SLC16A5: variants seen among roughly 807,000 people sequenced by gnomAD.
SLC16A5 encodes monocarboxylate transporter 6.
In SLC16A5, 29 loss-of-function variants were observed where a neutral mutation model predicts 33.2. That is an observed-to-expected ratio of 0.87 (90% CI 0.65 to 1.19). SLC16A5 has a LOEUF of 1.19. Ranked by LOEUF, SLC16A5 falls within the 50% of genes most tolerant of loss-of-function variation. SLC16A5 has a pLI of 0.00. For synonymous variants in SLC16A5, 248 were observed against 284.1 expected (o/e 0.87, Z 1.28); for missense variants, 606 against 678.2 (o/e 0.89, Z 1.18).
chr17:75,093,874 G>T (rs775382975), intron 3 of SLC16A5, 39 bp downstream of exon 3: 1 of 1,588,194 alleles, frequency 6.3e-7, no homozygotes, highest in South Asian at 1.1e-5. Flanking sequence ...AAAGTCCTAG[G>T]GGTTGCGGGG....
At position 75,105,894 on chromosome 17, in the gene SLC16A5, G is replaced by A. The variant is rs201411506; in HGVS notation, c.1379G>A (p.Arg460His). Residue 460 changes from arginine (R) to histidine (H), a missense_variant, in exon 7 of 7, where the codon CGC becomes CAC. Physicochemically the swap from Arg to His is conservative, Grantham distance 29. Transcript: ENST00000329783. ...RSPEIMCQSS[R>H]QPRPAGVNKH... is the part of the protein sequence containing the mutation. ...TTCATGAACAGGTGCCAGTCTTCCC[G>A]CCAGCCACGTCCAGCTGGCGTCAAT... 94 of 1,603,688 alleles carry A rather than the reference G, an allele frequency of 5.9e-5. 1 individual carries two copies. Among genetic ancestry groups the A allele is most frequent in the Admixed American group, 2.7e-4 (16 of 59,074 alleles).
Position 75,093,352 on chromosome 17 carries a change from C to G in SLC16A5, c.-48-237C>G. ...CCCCGTCCTGTCCCTCCTATCCCTC[C>G]TGTCCCTCCTGTCCTTCCTGCCACC... On this transcript the variant is annotated intron_variant, in intron 2 of 6. Transcript: ENST00000329783. 2.0e-6 allele frequency: 3 copies of G among 1,501,634 alleles called. No homozygotes were observed. In the Admixed American group the frequency reaches 5.9e-5, roughly 30 times the overall value. The allele number at this position is 1,501,634 out of a possible 1,614,324, so 93.0% of individuals were successfully genotyped here.
chr17:75,094,004 G>C (rs191316991), intron 3 of SLC16A5, among the ~76,000 whole-genome samples, 169 bp downstream of exon 3: 1 of 152,346 alleles, frequency 6.6e-6, no homozygotes, highest in East Asian at 1.9e-4. Flanking sequence ...AATCCAGCTG[G>C]ACTGGGCTGG....
chr17:75,104,451 C>G (rs910287181), intron 6 of SLC16A5: 75 of 1,191,260 alleles, frequency 6.3e-5, no homozygotes, highest in Non-Finnish European at 7.8e-5. Context: ...CGGAGTTTCA[C>G]TCTTGTTGCC....
At chr17:75,096,178 T>A (rs1243190178) in intron 3 of SLC16A5, among the ~76,000 whole-genome samples, 1 of 151,804 alleles carries the variant, frequency 6.6e-6, no homozygotes, top group Non-Finnish European at 1.5e-5. Flanking sequence ...CCCCTGCCCC[T>A]ACCTACGCCT....
chr17:75,093,300 C>T, intron 2 of SLC16A5: 1 of 926,480 alleles, frequency 1.1e-6, no homozygotes, highest in South Asian at 1.5e-5. Context: ...GACAATTGTA[C>T]CCCATTGCCT....
chr17:75,094,144 G>A (rs2073684065), intron 3 of SLC16A5, among the ~76,000 whole-genome samples: 1 of 152,218 alleles, frequency 6.6e-6, no homozygotes, highest in Non-Finnish European at 1.5e-5. Context: ...GAAGAGCGCT[G>A]GGGCCAGCCC....
At chr17:75,105,021 C>G in intron 6 of SLC16A5, 2 of 985,482 alleles carry the variant, frequency 2.0e-6, no homozygotes, top group African/African-American at 3.5e-5. Flanking sequence ...TAGGTTCCTC[C>G]TGCCCTGCTC....
intron 2 of SLC16A5, 21 bp from the exon 3 acceptor site, chr17:75,093,568 T>A (rs1299630163): frequency 6.4e-7 from 1 of 1,556,220 alleles, no homozygotes; most frequent in Non-Finnish European, 8.6e-7. Context: ...ACCACCAGGC[T>A]CCATTCTGTC....
chr17:75,104,415 C>CTTTT (rs577017676), intron 6 of SLC16A5: 105 of 1,004,074 alleles, frequency 1.0e-4, no homozygotes, highest in South Asian at 5.2e-4. Context: ...CTGAGAAACT[C>CTTTT]TTTTTTTTTT....
chr17:75,091,128 A>C (rs1175684323), intron 2 of SLC16A5, among the ~76,000 whole-genome samples: 3 of 152,144 alleles, frequency 2.0e-5, no homozygotes, highest in African/African-American at 7.2e-5. Context: ...GGCAGGGAAC[A>C]GGCAAAGGCA....
chr17:75,091,169 G>A (rs1056391244), intron 2 of SLC16A5, among the ~76,000 whole-genome samples: 2 of 152,158 alleles, frequency 1.3e-5, no homozygotes, highest in Non-Finnish European at 2.9e-5. Context: ...TGGCCTTTCC[G>A]GGAGGAAGAG....
chr17:75,100,324 C>T lies in SLC16A5; in HGVS notation c.661C>T (p.Arg221Trp), dbSNP rs367743246. ...PALGCLAACG[R>W]TIQRHLAFDI... ...ACTTGGCTGCCTGGCTGCATGCGGC[C>T]GGACCATCCAGCGCCACCTGGCCTT... The change falls in exon 5 of 7, where the codon CGG becomes TGG. Residue 221 changes from arginine to tryptophan, a missense_variant. By Grantham distance (101) the Arg-to-Trp change is moderately radical. Transcript: ENST00000329783. 14 of 1,614,106 alleles carry T rather than the reference C, an allele frequency of 8.7e-6. No individual in the cohort carries two copies. Among genetic ancestry groups the T allele is most frequent in the Middle Eastern group, 1.6e-4 (1 of 6,084 alleles).
intron 6 of SLC16A5, chr17:75,104,987 C>T (rs1204701997): frequency 1.8e-5 from 18 of 985,334 alleles, no homozygotes; most frequent in African/African-American, 1.7e-4. Context: ...GCCTCCATAC[C>T]GTTCTGAAGA....
In SLC16A5 at chr17:75,100,252, G is replaced by T; in HGVS notation, c.589G>T (p.Ala197Ser). The change falls in exon 5 of 7, where the codon GCC (alanine) becomes TCC (serine). Residue 197 changes from alanine (A) to serine (S), a missense_variant. By Grantham distance (99) the Ala-to-Ser change is moderately conservative. Transcript: ENST00000329783. ...AIIRPVATSV[A>S]PETKECPPPP... is the part of the protein sequence containing the mutation. ...CATAAGGCCTGTGGCCACCAGTGTG[G>T]CCCCTGAGACCAAAGAATGTCCCCC... is the stretch of plus-strand genomic sequence containing the variant. The T allele has an allele frequency of 6.2e-7, 1 of 1,614,210 alleles. No individual in the cohort carries two copies. Among genetic ancestry groups the T allele is most frequent in the Non-Finnish European group, 8.5e-7 (1 of 1,180,030 alleles).
intron 2 of SLC16A5, among the ~76,000 whole-genome samples, chr17:75,091,702 A>G (rs1018598361): frequency 1.3e-5 from 2 of 152,214 alleles, no homozygotes; most frequent in Admixed American, 1.3e-4. Flanking sequence ...GAGTTTCCCC[A>G]GAGCTTCCCA....
In SLC16A5 at chr17:75,106,142, A is replaced by G; in HGVS notation, c.*109A>G. ...TACTTTGTTAGAGCAAAATAATAAA[A>G]TTTAATTTTAAAAAAGAAAACGTAG... On this transcript the variant is annotated 3_prime_UTR_variant, in exon 7 of 7. Transcript: ENST00000329783. The G allele has an allele frequency of 1.9e-6, 1 of 515,486 alleles. No individual in the cohort carries two copies. The highest frequency in any genetic ancestry group is 3.4e-6 in the Non-Finnish European group (1 of 296,112). 31.9% of individuals were successfully genotyped at this position (515,486 alleles called of 1,614,324 possible). A position where few individuals can be genotyped will look rare whatever the true frequency, so the allele number is the denominator to read the frequency against.
chr17:75,099,872 C>A, intron 4 of SLC16A5, 135 bp from the exon 5 acceptor site: 1 of 841,052 alleles, frequency 1.2e-6, no homozygotes, highest in Non-Finnish European at 1.8e-6. Flanking sequence ...CATGGTCAGT[C>A]CCCAGGGACT....
chr17:75,110,063 A>AT (rs1325247455), downstream of SLC16A5: 1 of 517,918 alleles, frequency 1.9e-6, no homozygotes, highest in Non-Finnish European at 3.4e-6. Flanking sequence ...CCCAATTTCG[A>AT]TTTTCAAACG....
Sources: gnomAD v4.1 joint callset for allele counts (sites outside exome capture counted in the v4.1 genomes callset) on GRCh38, gnomAD v4.1.1 for gene constraint, MANE v1.5 for transcripts, NCBI Gene and HGNC (gene_info 2026-07-23, HGNC 2026-07-21) for gene names.